Variants in BICD1 observed in about 807,000 individuals in gnomAD.
The protein encoded by BICD1 is BICD cargo adaptor 1, also known as protein bicaudal D homolog 1.
A neutral mutation model predicts 92.5 loss-of-function variants in BICD1; 35 were observed. The ratio of observed to expected loss-of-function variants is 0.38; its 90% CI spans 0.29 to 0.50. BICD1 has a LOEUF of 0.50. Ranked by LOEUF, BICD1 falls within the 20% of genes least tolerant of loss-of-function variation. BICD1 has a pLI of 0.93. For synonymous variants in BICD1, 429 were observed against 465.1 expected (o/e 0.92, Z 1.00); for missense variants, 950 against 1,189.8 (o/e 0.80, Z 2.97).
intron 1 of BICD1, among the ~76,000 whole-genome samples, chr12:32,148,844 AC>A: frequency 6.6e-6 from 1 of 152,090 alleles, no homozygotes; most frequent in East Asian, 1.9e-4. Flanking sequence ...ACATGGTGAA[AC>A]CCTGTCTCTA....
At chr12:32,170,529 T>C (rs1460173655) in intron 1 of BICD1, among the ~76,000 whole-genome samples, 1 of 152,210 alleles carries the variant, frequency 6.6e-6, no homozygotes, top group East Asian at 1.9e-4. Flanking sequence ...GGTTATAGAA[T>C]TGTAGTTAGC....
At chr12:32,291,653 C>A (rs1403533118) in intron 2 of BICD1, among the ~76,000 whole-genome samples, 1 of 151,836 alleles carries the variant, frequency 6.6e-6, no homozygotes. Context: ...GCCTGGGCAA[C>A]ATAGTGAAAT....
At chr12:32,321,866 GC>G (rs1218420447) in intron 4 of BICD1, among the ~76,000 whole-genome samples, 1 of 152,186 alleles carries the variant, frequency 6.6e-6, no homozygotes, top group African/African-American at 2.4e-5. Context: ...AGGCGCAGTG[GC>G]AGACGCCTGT....
intron 8 of BICD1, among the ~76,000 whole-genome samples, chr12:32,365,041 G>A (rs1022128152): frequency 9.9e-5 from 15 of 152,134 alleles, no homozygotes; most frequent in Admixed American, 9.2e-4. Context: ...TTAGAGACCA[G>A]CCTGGTTAAC....
chr12:32,360,814 C>T (rs542380954), intron 8 of BICD1, among the ~76,000 whole-genome samples: 12 of 152,096 alleles, frequency 7.9e-5, no homozygotes, highest in African/African-American at 1.9e-4. Flanking sequence ...ATAAAGCTAT[C>T]GAGGTCATGA....
intron 5 of BICD1, among the ~76,000 whole-genome samples, chr12:32,331,452 G>A (rs1009081106): frequency 1.3e-5 from 2 of 152,118 alleles, no homozygotes; most frequent in Admixed American, 1.3e-4. Flanking sequence ...TCCCTTTTCC[G>A]AAATGTTTTG....
At chr12:32,302,994 C>T (rs144563134) in intron 3 of BICD1, among the ~76,000 whole-genome samples, 21 of 144,656 alleles carry the variant, frequency 1.5e-4, no homozygotes, top group Non-Finnish European at 2.7e-4. Context: ...AGTGCAGTGA[C>T]ACCATCAGGG....
chr12:32,360,331 G>A (rs1939278283), intron 8 of BICD1, among the ~76,000 whole-genome samples: 1 of 152,164 alleles, frequency 6.6e-6, no homozygotes, highest in South Asian at 2.1e-4. Context: ...AGGAGAAAGA[G>A]AATATTTAAG....
At chr12:32,202,713 C>A (rs888624847) in intron 1 of BICD1, among the ~76,000 whole-genome samples, 1 of 152,110 alleles carries the variant, frequency 6.6e-6, no homozygotes, top group Non-Finnish European at 1.5e-5. Flanking sequence ...CAGGCTCAAG[C>A]AGTCCTCCCA....
chr12:32,330,418 C>G (rs1158902172), intron 5 of BICD1, among the ~76,000 whole-genome samples: 1 of 103,096 alleles, frequency 9.7e-6, no homozygotes, highest in Non-Finnish European at 1.8e-5. Context: ...ACACCGGGGC[C>G]TGTTGTGGGG....
At chr12:32,281,773 GCT>G (rs1294531933) in intron 2 of BICD1, among the ~76,000 whole-genome samples, 1 of 151,802 alleles carries the variant, frequency 6.6e-6, no homozygotes, top group Non-Finnish European at 1.5e-5. Context: ...GCCCAGCTAA[GCT>G]CATCCCAACA....
At chr12:32,315,414 C>A (rs1201744403) in intron 4 of BICD1, among the ~76,000 whole-genome samples, 1 of 152,096 alleles carries the variant, frequency 6.6e-6, no homozygotes, top group Non-Finnish European at 1.5e-5. Context: ...AGTTCTTTTT[C>A]AAGAAGTTTC....
intron 9 of BICD1, among the ~76,000 whole-genome samples, chr12:32,375,399 G>A (rs1939914925): frequency 6.6e-6 from 1 of 152,010 alleles, no homozygotes; most frequent in Non-Finnish European, 1.5e-5. Flanking sequence ...ACGCGGTGGT[G>A]GGCCCTTGTA....
intron 8 of BICD1, among the ~76,000 whole-genome samples, chr12:32,364,021 C>T (rs950710415): frequency 4.8e-5 from 7 of 145,996 alleles, no homozygotes; most frequent in Admixed American, 6.8e-5. Flanking sequence ...ATCACCATCA[C>T]CACCATCATC....
At chr12:32,294,231 TTTA>T (rs1307146404) in intron 3 of BICD1, 85 bp downstream of exon 3, 6 of 1,288,498 alleles carry the variant, frequency 4.7e-6, no homozygotes, top group Non-Finnish European at 6.4e-6. Flanking sequence ...CTTGTCAGAA[TTTA>T]TTGTTACTCT....
intron 8 of BICD1, among the ~76,000 whole-genome samples, chr12:32,341,814 T>C (rs1320198213): frequency 1.3e-5 from 2 of 152,266 alleles, no homozygotes; most frequent in Admixed American, 6.5e-5. Context: ...ATTACCAATA[T>C]ATGTTATTTT....
rs779829813 is a variant in BICD1 at position 32,305,881 on chromosome 12, A to G, written c.764A>G (p.Tyr255Cys). The G allele has an allele frequency of 6.2e-7, 1 of 1,614,228 alleles. No homozygotes were observed. The highest frequency in any genetic ancestry group is 8.5e-7 in the Non-Finnish European group (1 of 1,180,038). ...AACCTGCGGAAGGAGCTCTCCCAGT[A>G]TATCAGCCTCAATGATAACCATATC... ...KNNLRKELSQ[Y>C]ISLNDNHISI... The change falls in exon 4 of 10, where the codon TAT (tyrosine) becomes TGT (cysteine). Residue 255 changes from tyrosine to cysteine, a missense_variant. By Grantham distance (194) the Tyr-to-Cys change is radical. Around this residue, in one of 5 missense-constraint regions of BICD1, gnomAD observed 246 missense variants for 258.4 expected, o/e 0.95. Transcript: ENST00000652176.
At chr12:32,116,416 A>G (rs2121180835) in intron 1 of BICD1, among the ~76,000 whole-genome samples, 1 of 151,050 alleles carries the variant, frequency 6.6e-6, no homozygotes, top group South Asian at 2.1e-4. Context: ...ACCTTATTTT[A>G]GCACTTGTAC....
chr12:32,121,093 C>T (rs1176995717), intron 1 of BICD1, among the ~76,000 whole-genome samples: 6 of 151,412 alleles, frequency 4.0e-5, no homozygotes, highest in East Asian at 2.0e-4. Flanking sequence ...CTCAGCCTCC[C>T]GAGTAGCTGG....
Sources: gnomAD v4.1 joint callset for allele counts (sites outside exome capture counted in the v4.1 genomes callset) on GRCh38, gnomAD v4.1.1 for gene constraint, gnomAD v4.1.1 regional missense constraint, MANE v1.5 for transcripts, NCBI Gene and HGNC (gene_info 2026-07-23, HGNC 2026-07-21) for gene names.